CSMD1: variants seen among roughly 807,000 people sequenced by gnomAD.
The protein encoded by CSMD1 is CUB and sushi domain-containing protein 1.
Under a neutral mutation model 417.5 loss-of-function variants are expected in CSMD1, and 213 were observed. The observed-to-expected ratio is 0.51, with a 90% confidence interval of 0.46 to 0.57. The LOEUF (loss-of-function observed/expected upper bound fraction) is 0.57, where lower values mean the gene tolerates loss of function less well. Among genes scored for constraint, CSMD1 ranks in the 20% least tolerant of loss-of-function variants. The pLI is 0.00. For missense variants in CSMD1, 6,923 were observed against 4,529.7 expected (o/e 1.53, Z -15.17); for synonymous variants, 2,862 against 1,736.8 (o/e 1.65, Z -16.11).
chr8:3,792,641 C>G (rs1799814939), intron 5 of CSMD1, among the ~76,000 whole-genome samples: 1 of 152,284 alleles, frequency 6.6e-6, no homozygotes, highest in South Asian at 2.1e-4. Flanking sequence ...GTAAGTTAAT[C>G]ATTTGCCATG....
At chr8:3,618,528 A>G (rs972268603) in intron 7 of CSMD1, among the ~76,000 whole-genome samples, 1 of 152,040 alleles carries the variant, frequency 6.6e-6, no homozygotes, top group Non-Finnish European at 1.5e-5. Flanking sequence ...ATTATATTGA[A>G]TTCCAAAATT....
chr8:3,820,819 G>T (rs186069600), intron 5 of CSMD1, among the ~76,000 whole-genome samples: 1 of 152,132 alleles, frequency 6.6e-6, no homozygotes, highest in Non-Finnish European at 1.5e-5. Context: ...CCTGACCTCA[G>T]GTGATCTGCT....
chr8:4,107,666 C>G (rs1801637652), intron 3 of CSMD1, among the ~76,000 whole-genome samples: 2 of 152,152 alleles, frequency 1.3e-5, no homozygotes, highest in Non-Finnish European at 2.9e-5. Context: ...GAAGTACAAT[C>G]CATCATCTGT....
intron 41 of CSMD1, among the ~76,000 whole-genome samples, chr8:3,129,912 C>T (rs750390212): frequency 1.3e-5 from 2 of 151,648 alleles, no homozygotes; most frequent in South Asian, 2.1e-4. Context: ...GCCCGGGGGG[C>T]GGAGGTTGCA....
rs547607905 is a variant in CSMD1, at chr8:4,137,411, C to T, written c.416-105312G>A. The stretch of plus-strand genomic sequence containing the variant: ...ATGAAGAACAGAAAACAAAAGTTAT[C>T]GCTTGTGTTTAATAATGAAATTAAA... On this transcript the variant is annotated intron_variant, in intron 3 of 69. Transcript: ENST00000635120. Among the ~76,000 whole-genome samples the T allele has an allele frequency of 2.3e-4, 18 of 77,844 alleles. 1 individual carries two copies. Among genetic ancestry groups the T allele is most frequent in the Admixed American group, 4.4e-4 (3 of 6,796 alleles). The allele number at this position is 77,844 out of a possible 152,430, so 51.1% of individuals were successfully genotyped here.
intron 3 of CSMD1, among the ~76,000 whole-genome samples, chr8:4,055,815 G>T (rs531056803): frequency 1.3e-5 from 2 of 151,250 alleles, no homozygotes; most frequent in African/African-American, 2.5e-5. Context: ...CACTGAAGCA[G>T]AAGTGTTGAT....
chr8:3,548,870 C>G (rs535639458), intron 10 of CSMD1, among the ~76,000 whole-genome samples: 79 of 152,196 alleles, frequency 5.2e-4, no homozygotes, highest in African/African-American at 1.9e-3. Context: ...GGCTGGGTCC[C>G]GCTCCCTACC....
chr8:4,724,516 A>ATGTG (rs1270666946), intron 1 of CSMD1, among the ~76,000 whole-genome samples: 1 of 139,112 alleles, frequency 7.2e-6, no homozygotes, highest in South Asian at 2.3e-4. Flanking sequence ...CTCTTTATAT[A>ATGTG]TATATGTGTG....
At chr8:3,821,335 T>C (rs1467361645) in intron 5 of CSMD1, among the ~76,000 whole-genome samples, 1 of 152,178 alleles carries the variant, frequency 6.6e-6, no homozygotes, top group Non-Finnish European at 1.5e-5. Flanking sequence ...GCACTGTACA[T>C]AAGTAGATGC....
At chr8:4,519,742 CAAAAAAAAAAAAAAAAAAAAAAAAA>C (rs57747377) in intron 2 of CSMD1, among the ~76,000 whole-genome samples, 6 of 80,366 alleles carry the variant, frequency 7.5e-5, no homozygotes, top group South Asian at 4.7e-4. Context: ...GACTTCATCT[CAAAAAAAAAAAAAAAAAAAAAAAAA>C]AAAAAAAAAA....
chr8:3,695,108 G>GTGTGTGTT (rs1800476052), intron 7 of CSMD1, among the ~76,000 whole-genome samples: 1 of 151,756 alleles, frequency 6.6e-6, no homozygotes, highest in African/African-American at 2.4e-5. Flanking sequence ...GTGTGTGTGT[G>GTGTGTGTT]TGTGTGTGGT....
chr8:4,091,234 G>A (rs564096810), intron 3 of CSMD1, among the ~76,000 whole-genome samples: 2 of 151,774 alleles, frequency 1.3e-5, no homozygotes, highest in South Asian at 2.1e-4. Context: ...CAGTCTTAAA[G>A]GTGAATAATG....
intron 12 of CSMD1, among the ~76,000 whole-genome samples, chr8:3,446,886 TG>T (rs1815340861): frequency 6.6e-6 from 1 of 152,180 alleles, no homozygotes; most frequent in Non-Finnish European, 1.5e-5. Flanking sequence ...TTTAAGAACT[TG>T]TAAGAGAAAT....
intron 1 of CSMD1, among the ~76,000 whole-genome samples, chr8:4,801,654 G>GA (rs1798291256): frequency 2.0e-5 from 3 of 152,036 alleles, no homozygotes; most frequent in Non-Finnish European, 4.4e-5. Flanking sequence ...ATCTACACCA[G>GA]TGTCCTCAGC....
intron 2 of CSMD1, among the ~76,000 whole-genome samples, chr8:4,623,679 T>A (rs939908815): frequency 6.6e-6 from 1 of 152,118 alleles, no homozygotes; most frequent in African/African-American, 2.4e-5. Flanking sequence ...TGAAGAAATG[T>A]GGATGGACCT....
intron 3 of CSMD1, among the ~76,000 whole-genome samples, chr8:4,051,878 T>TC (rs61234365): frequency 3.0e-5 from 1 of 33,356 alleles, no homozygotes; most frequent in African/African-American, 1.0e-4. Context: ...CCTTCCTCCT[T>TC]TCTTCCTTCC....
At position 3,389,570 on chromosome 8, in the gene CSMD1, G is replaced by A. The variant is rs529425460; in HGVS notation, c.2594-1888C>T. 2.0e-5 allele frequency among the ~76,000 whole-genome samples: 3 copies of A among 152,098 alleles called. No individual in the cohort carries two copies. The South Asian group carries it at 6.2e-4, about 32-fold the overall frequency. ...AGGTTTCTGTGGTCACTAAACAACA[G>A]TGTATGCACTACGGCAAAACAGTAA... On this transcript the variant is annotated intron_variant, in intron 17 of 69. Coordinates refer to ENST00000635120, the MANE Select transcript of CSMD1 (RefSeq NM_033225.6).
chr8:3,898,064 A>G (rs1807485886), intron 5 of CSMD1, among the ~76,000 whole-genome samples: 1 of 152,190 alleles, frequency 6.6e-6, no homozygotes. Flanking sequence ...ACTTACAAAC[A>G]AGGTATGGAG....
chr8:3,394,601 G>C (rs1362931289), intron 17 of CSMD1, among the ~76,000 whole-genome samples: 3 of 141,674 alleles, frequency 2.1e-5, no homozygotes, highest in Middle Eastern at 7.0e-3. Flanking sequence ...ATATATCTAA[G>C]AGTCAAGAAA....
Sources: allele counts gnomAD v4.1 joint callset (sites outside exome capture counted in the v4.1 genomes callset), GRCh38; gene constraint gnomAD v4.1.1; transcripts MANE v1.5; gene names NCBI Gene and HGNC (gene_info 2026-07-23, HGNC 2026-07-21).